SPHK2: variants seen among roughly 807,000 people sequenced by gnomAD.
SPHK2 encodes the protein sphingosine kinase 2.
A neutral mutation model predicts 32.3 loss-of-function variants in SPHK2; 18 were observed. The observed-to-expected ratio is 0.56, with a 90% CI of 0.39 to 0.83. The LOEUF (loss-of-function observed/expected upper bound fraction) is 0.83. Ranked by LOEUF, SPHK2 falls within the 40% of genes least tolerant of loss-of-function variation. SPHK2 has a pLI of 0.00. For missense variants in SPHK2, 850 were observed against 908.7 expected (o/e 0.94, Z 0.83); for synonymous variants, 462 against 417.6 (o/e 1.11, Z -1.30).
chr19:48,621,996 C>T (rs372205419), intron 2 of SPHK2, among the ~76,000 whole-genome samples: 1 of 152,164 alleles, frequency 6.6e-6, no homozygotes, highest in Non-Finnish European at 1.5e-5. Flanking sequence ...TGGCTCACGC[C>T]TGTAATCCCA....
chr19:48,622,048 GAT>G (rs1974425217), intron 2 of SPHK2, among the ~76,000 whole-genome samples: 1 of 152,066 alleles, frequency 6.6e-6, no homozygotes, highest in African/African-American at 2.4e-5. Context: ...GAGGTCAGGA[GAT>G]CGAGACCATC....
chr19:48,625,301 T>A, intron 2 of SPHK2: 1 of 1,115,880 alleles, frequency 9.0e-7, no homozygotes, highest in Non-Finnish European at 1.1e-6. Context: ...TTCACCTCAT[T>A]GACCCTGTTT....
At position 48,626,195 on chromosome 19, in the gene SPHK2, T is replaced by G; in HGVS notation, c.344T>G (p.Phe115Cys). The change falls in exon 3 of 7, where the codon TTC (phenylalanine) becomes TGC (cysteine). Residue 115 changes from phenylalanine to cysteine, a missense_variant. By Grantham distance (205) the Phe-to-Cys change is radical. This residue lies in a region of SPHK2 where 544 missense variants were observed against 640.0 expected (regional missense o/e 0.85). Coordinates refer to ENST00000245222, the MANE Select transcript of SPHK2 (RefSeq NM_020126.5). ...SRSPSDSAAY[F>C]CIYTYPRGRR... ...AGCCCCTCAGACTCAGCGGCCTACT[T>G]CTGCATCTACACCTACCCTCGGGGC... The G allele has an allele frequency of 6.3e-7, 1 of 1,595,508 alleles. No individual in the cohort carries two copies. The highest frequency in any genetic ancestry group is 8.5e-7 in the Non-Finnish European group (1 of 1,173,936).
At chr19:48,622,930 AATTTTTGT>A (rs1203103540) in intron 2 of SPHK2, among the ~76,000 whole-genome samples, 4 of 150,720 alleles carry the variant, frequency 2.7e-5, no homozygotes, top group African/African-American at 4.9e-5. Context: ...ACACCTGGCT[AATTTTTGT>A]ATTTTTAGTA....
rs1258513496 is a variant in SPHK2, at chr19:48,629,484, C to T, written c.1676C>T (p.Ala559Val). Reference protein sequence around the residue: ...LGADLVAAPHARFDDGLVHLC... With the variant: ...LGADLVAAPHVRFDDGLVHLC... ...GCTGACCTGGTGGCAGCTCCGCATGCGCGCTTCGACGACGGCCTGGTGCAC... is the reference window on the plus strand; with the variant it reads ...GCTGACCTGGTGGCAGCTCCGCATGTGCGCTTCGACGACGGCCTGGTGCAC... Residue 559 changes from alanine to valine, a missense_variant, in exon 7 of 7, where the codon GCG becomes GTG. Physicochemically the swap from Ala to Val is moderately conservative, Grantham distance 64. Coordinates refer to ENST00000245222, the MANE Select transcript of SPHK2 (RefSeq NM_020126.5). 1 of 1,607,016 alleles carries T rather than the reference C, an allele frequency of 6.2e-7. No individual in the cohort carries two copies. The highest frequency in any genetic ancestry group is 2.2e-5 in the East Asian group (1 of 44,714).
chr19:48,628,283 T>C lies in SPHK2; in HGVS notation c.872+6T>C, dbSNP rs1555742387. The C allele has an allele frequency of 6.2e-7, 1 of 1,612,200 alleles. No individual in the cohort carries two copies. The highest frequency in any genetic ancestry group is 1.1e-5 in the South Asian group (1 of 91,042). ...GCAGTGAACCAGCACGGGGGGTAGG[T>C]TGAGGATACCACGAAGGGAGGGATG... is the stretch of plus-strand genomic sequence containing the variant. On this transcript the variant is annotated splice_donor_region_variant and intron_variant, in intron 6 of 6. Transcript: ENST00000245222. This position sits in a 1 kb window ranked among gnomAD's most constrained non-coding sequence, Gnocchi z 5.2.
chr19:48,629,075 C>G lies in SPHK2; in HGVS notation c.1267C>G (p.Leu423Val), dbSNP rs761611411. ...ACCCCTGCATCGTTCTGTGTCTGAC[C>G]TGCCTCTTCCCCTGCCCCAGCCTGC... ...HSPLHRSVSD[L>V]PLPLPQPALA... Residue 423 changes from leucine (L) to valine (V), a missense_variant, in exon 7 of 7, where the codon CTG becomes GTG. Leu to Val is a conservative substitution (Grantham distance 32). This residue lies in a region of SPHK2 where 544 missense variants were observed against 640.0 expected (regional missense o/e 0.85). Transcript: ENST00000245222. 15 of 1,613,464 alleles carry G rather than the reference C, an allele frequency of 9.3e-6. No homozygotes were observed. The South Asian group carries it at 1.5e-4, about 17-fold the overall frequency.
At chr19:48,620,800 TG>T (rs2147667003) in intron 2 of SPHK2, 6 of 399,858 alleles carry the variant, frequency 1.5e-5, no homozygotes. Context: ...GATGCGCACC[TG>T]TAATCCCAGC....
At position 48,627,711 on chromosome 19, in the gene SPHK2, A is replaced by AC. The variant is rs749171595; in HGVS notation, c.533dup (p.Arg179SerfsTer23). The AC allele has an allele frequency of 6.2e-7, 1 of 1,604,010 alleles. No individual in the cohort carries two copies. Among genetic ancestry groups the AC allele is most frequent in the Non-Finnish European group, 8.5e-7 (1 of 1,174,614 alleles). On this transcript the variant is annotated frameshift_variant, in exon 4 of 7. Transcript: ENST00000245222. LOFTEE classifies it high-confidence loss of function. ...CCACAGAGATCACCCCTGACCTGCT[A>AC]CCTCGGCCGCCCCGGTTGCTTCTAT... is the stretch of plus-strand genomic sequence containing the variant.
chr19:48,620,343 TG>T, intron 1 of SPHK2, 58 bp from the exon 2 acceptor site: 1 of 553,984 alleles, frequency 1.8e-6, no homozygotes, highest in Non-Finnish European at 3.2e-6. Flanking sequence ...ACATTGAGCC[TG>T]GAAGGGCCTC....
At position 48,629,518 on chromosome 19, in the gene SPHK2, G is replaced by C; in HGVS notation, c.1710G>C (p.Trp570Cys). The change falls in exon 7 of 7, where the codon TGG (tryptophan) becomes TGC (cysteine). Residue 570 changes from tryptophan (W) to cysteine (C), a missense_variant. Trp to Cys is a radical substitution (Grantham distance 215, BLOSUM62 -2). Transcript: ENST00000245222. ...ACGACGGCCTGGTGCACCTGTGCTG[G>C]GTGCGTAGCGGCATCTCGCGGGCTG... ...RFDDGLVHLCWVRSGISRAAL... is the reference protein window; with the variant it reads ...RFDDGLVHLCCVRSGISRAAL... 2 of 1,606,088 alleles carry C rather than the reference G, an allele frequency of 1.2e-6. No individual in the cohort carries two copies. Among genetic ancestry groups the C allele is most frequent in the Non-Finnish European group, 1.7e-6 (2 of 1,177,758 alleles).
chr19:48,629,498 G>A lies in SPHK2; in HGVS notation c.1690G>A (p.Gly564Ser), dbSNP rs1249528412. 1.9e-6 allele frequency: 3 copies of A among 1,607,376 alleles called. No individual in the cohort carries two copies. Among genetic ancestry groups the A allele is most frequent in the Non-Finnish European group, 2.5e-6 (3 of 1,178,466 alleles). Reference protein sequence around the residue: ...VAAPHARFDDGLVHLCWVRSG... With the variant: ...VAAPHARFDDSLVHLCWVRSG... ...AGCTCCGCATGCGCGCTTCGACGAC[G>A]GCCTGGTGCACCTGTGCTGGGTGCG... The change falls in exon 7 of 7, where the codon GGC (glycine) becomes AGC (serine). Residue 564 changes from glycine to serine, a missense_variant. Transcript: ENST00000245222.
At position 48,620,562 on chromosome 19, in the gene SPHK2, C is replaced by T; in HGVS notation, c.39+9C>T. 1 of 1,608,926 alleles carries T rather than the reference C, an allele frequency of 6.2e-7. No individual in the cohort carries two copies. Among genetic ancestry groups the T allele is most frequent in the Non-Finnish European group, 8.5e-7 (1 of 1,176,514 alleles). On this transcript the variant is annotated intron_variant, in intron 2 of 6. Coordinates refer to ENST00000245222, the MANE Select transcript of SPHK2 (RefSeq NM_020126.5). ...AGGAGCAGCAGGACCAGGTAAGGGA[C>T]CATCTAAAAGCCAAGATCCTCATAC...
Position 48,628,973 on chromosome 19 carries a change from A to G in SPHK2, c.1165A>G (p.Thr389Ala). Reference protein sequence around the residue: ...LPATVEPASPTPAHSLPRAKS... With the variant: ...LPATVEPASPAPAHSLPRAKS... ...CGCCACTGTGGAACCTGCCTCGCCC[A>G]CCCCTGCCCATAGCCTGCCTCGTGC... is the stretch of plus-strand genomic sequence containing the variant. The change falls in exon 7 of 7, where the codon ACC (threonine) becomes GCC (alanine). Residue 389 changes from threonine (T) to alanine (A), a missense_variant. Thr to Ala is a moderately conservative substitution (Grantham distance 58). Coordinates refer to ENST00000245222, the MANE Select transcript of SPHK2 (RefSeq NM_020126.5). This position sits in a 1 kb window ranked among gnomAD's most constrained non-coding sequence, Gnocchi z 5.2. 2 of 1,612,990 alleles carry G rather than the reference A, an allele frequency of 1.2e-6. No homozygotes were observed. The highest frequency in any genetic ancestry group is 1.7e-6 in the Non-Finnish European group (2 of 1,179,790).
In SPHK2 at chr19:48,629,296, C is replaced by T. The variant is rs149862716; in HGVS notation, c.1488C>T (p.Ser496=). ...VSEGAPVIPP[S]SGLPLPTPDA... Reference sequence around the variant, plus strand: ...AAGGGGCCCCCGTAATTCCCCCATCCTCTGGGCTCCCACTTCCCACCCCTG... The same window carrying T: ...AAGGGGCCCCCGTAATTCCCCCATCTTCTGGGCTCCCACTTCCCACCCCTG... The change falls in exon 7 of 7, where the codon TCC becomes TCT. Residue 496 remains serine (S), a synonymous_variant. Transcript: ENST00000245222. The T allele has an allele frequency of 9.4e-4, 1,520 of 1,613,532 alleles. 4 individuals carry two copies. Among genetic ancestry groups the T allele is most frequent in the Non-Finnish European group, 1.2e-3 (1,410 of 1,179,978 alleles).
At chr19:48,624,174 G>C (rs1281882480) in intron 2 of SPHK2, 1 of 152,276 alleles carries the variant, frequency 6.6e-6, no homozygotes, top group African/African-American at 2.4e-5. Context: ...CGTCTCCGCT[G>C]CGCGTCGGCC....
rs535394719 is a variant in SPHK2, at chr19:48,628,314, C to T, written c.872+37C>T. 139 of 1,583,142 alleles carry T rather than the reference C, an allele frequency of 8.8e-5. No individual in the cohort carries two copies. The South Asian group carries it at 1.4e-3, about 16-fold the overall frequency. ...ATACCACGAAGGGAGGGATGAGCCC[C>T]TCCTGGGGTGATAGGGACCCCTATA... On this transcript the variant is annotated intron_variant, in intron 6 of 6. Transcript: ENST00000245222. The surrounding 1 kb of genome is among the most constrained non-coding windows in gnomAD (Gnocchi z 5.2).
At chr19:48,620,882 C>T in intron 2 of SPHK2, 1 of 222,686 alleles carries the variant, frequency 4.5e-6, no homozygotes, top group Admixed American at 5.2e-5. Context: ...CGAGATCGCG[C>T]TGCACTCCAG....
In SPHK2 at chr19:48,627,965, C is replaced by A; in HGVS notation, c.662-10C>A. On this transcript the variant is annotated splice_polypyrimidine_tract_variant and intron_variant, in intron 4 of 6. Coordinates refer to ENST00000245222, the MANE Select transcript of SPHK2 (RefSeq NM_020126.5). ...GACAGCCTGCCTAACAGCCCGGTAT[C>A]CCACTTCAGAACGACAGAACCACGC... is the stretch of plus-strand genomic sequence containing the variant. 1 of 1,574,676 alleles carries A rather than the reference C, an allele frequency of 6.4e-7. No individual in the cohort carries two copies.
Sources: allele counts gnomAD v4.1 joint callset (sites outside exome capture counted in the v4.1 genomes callset), GRCh38; gene constraint gnomAD v4.1.1; regional missense constraint gnomAD v4.1.1; non-coding constraint Gnocchi (gnomAD v3.1); transcripts MANE v1.5; gene names NCBI Gene and HGNC (gene_info 2026-07-23, HGNC 2026-07-21).